The following FTO variants were observed in gnomAD, a reference collection of about 807,000 sequenced individuals.
FTO encodes alpha-ketoglutarate-dependent dioxygenase FTO.
A neutral mutation model predicts 63.9 loss-of-function variants in FTO; 47 were observed. The ratio of observed to expected loss-of-function variants is 0.74; its 90% CI spans 0.58 to 0.94. The LOEUF is 0.94. FTO is among the 40% of genes least tolerant of loss of function. The pLI is 0.00. For synonymous variants in FTO, 207 were observed against 224.4 expected (o/e 0.92, Z 0.69); for missense variants, 562 against 618.1 (o/e 0.91, Z 0.96).
At chr16:53,763,087 TAACA>T (rs2077108646) in intron 1 of FTO, among the ~76,000 whole-genome samples, 1 of 152,200 alleles carries the variant, frequency 6.6e-6, no homozygotes, top group East Asian at 1.9e-4. Flanking sequence ...CAGAGAAAAT[TAACA>T]TAAAGGAAGA....
chr16:54,096,213 C>A (rs538639586), intron 8 of FTO, among the ~76,000 whole-genome samples: 1 of 152,182 alleles, frequency 6.6e-6, no homozygotes, highest in Non-Finnish European at 1.5e-5. Context: ...ACTGACCCAG[C>A]GGCATAGATA....
chr16:53,934,027 G>T lies in FTO; in HGVS notation c.1282G>T (p.Val428Leu). The T allele has an allele frequency of 3.1e-6, 5 of 1,613,966 alleles. No homozygotes were observed. The highest frequency in any genetic ancestry group is 4.2e-6 in the Non-Finnish European group (5 of 1,179,870). The change falls in exon 8 of 9, where the codon GTG becomes TTG. Residue 428 changes from valine (V) to leucine (L), a missense_variant. Transcript: ENST00000471389. ...LHEVKREGLPVEQRNEILTAI... is the reference protein window; with the variant it reads ...LHEVKREGLPLEQRNEILTAI... ...TGAAGTTAAAAGAGAGGGGCTCCCC[G>T]TGGAACAAAGGAATGAAATCTTGAC...
intron 2 of FTO, among the ~76,000 whole-genome samples, chr16:53,810,897 G>A (rs139148652): frequency 9.4e-4 from 143 of 152,288 alleles, no homozygotes; most frequent in African/African-American, 3.3e-3. Context: ...TCTCATCTGA[G>A]AGCATAGCAG....
chr16:53,917,493 T>C (rs1028351975), intron 7 of FTO, among the ~76,000 whole-genome samples: 2 of 152,170 alleles, frequency 1.3e-5, no homozygotes, highest in African/African-American at 4.8e-5. Flanking sequence ...GAAAAGTGAT[T>C]AGGACAGGGC....
intron 8 of FTO, among the ~76,000 whole-genome samples, chr16:54,081,082 C>T (rs1427301670): frequency 6.6e-6 from 1 of 152,012 alleles, no homozygotes; most frequent in Non-Finnish European, 1.5e-5. Context: ...TTTTTTTTCC[C>T]CCTTTTGCTT....
At chr16:53,879,721 A>G (rs576001359) in intron 5 of FTO, 123 bp from the exon 6 acceptor site, 3 of 908,894 alleles carry the variant, frequency 3.3e-6, no homozygotes, top group Admixed American at 1.7e-5. Flanking sequence ...AAAGGAGTAT[A>G]GACTGAGCCA....
intron 1 of FTO, among the ~76,000 whole-genome samples, chr16:53,735,293 G>T (rs1472066213): frequency 6.6e-6 from 1 of 152,212 alleles, no homozygotes; most frequent in Non-Finnish European, 1.5e-5. Context: ...CTAGGTTATT[G>T]CTAGACACAG....
chr16:54,101,642 T>C (rs1326042432), intron 8 of FTO, among the ~76,000 whole-genome samples: 1 of 152,238 alleles, frequency 6.6e-6, no homozygotes, highest in Non-Finnish European at 1.5e-5. Context: ...CATGTGTCTT[T>C]ATGGCAGAAT....
At chr16:53,753,252 CAAAAA>C (rs35605359) in intron 1 of FTO, among the ~76,000 whole-genome samples, 1 of 77,972 alleles carries the variant, frequency 1.3e-5, no homozygotes, top group Non-Finnish European at 2.7e-5. Flanking sequence ...GACCCTGTCT[CAAAAA>C]AAAAAAAAAA....
Position 53,717,893 on chromosome 16 carries a change from C to T in FTO, c.45+13664C>T, listed in dbSNP as rs114041236. The stretch of plus-strand genomic sequence containing the variant: ...TACTTTGACACATCATTTTAATTGC[C>T]ATCGATTTATAATATCTTTCTAAAT... On this transcript the variant is annotated intron_variant, in intron 1 of 8. Transcript: ENST00000471389. Among the ~76,000 whole-genome samples the T allele has an allele frequency of 6.2e-3, 949 of 152,048 alleles. 9 individuals are homozygous for T. The highest frequency in any genetic ancestry group is 0.022 in the African/African-American group (917 of 41,482).
intron 8 of FTO, among the ~76,000 whole-genome samples, chr16:54,059,453 G>C (rs2085518541): frequency 6.6e-6 from 1 of 152,210 alleles, no homozygotes; most frequent in East Asian, 1.9e-4. Context: ...CTCGTGAGGG[G>C]GTAATCTGCT....
At chr16:53,886,002 G>C (rs959582778) in intron 6 of FTO, among the ~76,000 whole-genome samples, 1 of 152,180 alleles carries the variant, frequency 6.6e-6, no homozygotes, top group African/African-American at 2.4e-5. Context: ...TGATTCTCCT[G>C]CCATGGCCTC....
At chr16:54,055,588 T>G (rs1240710411) in intron 8 of FTO, among the ~76,000 whole-genome samples, 1 of 152,238 alleles carries the variant, frequency 6.6e-6, no homozygotes, top group African/African-American at 2.4e-5. Flanking sequence ...GTGTTTTGCA[T>G]GTTTACCTCT....
At position 53,718,309 on chromosome 16, in the gene FTO, A is replaced by G. The variant is rs188149474; in HGVS notation, c.45+14080A>G. On this transcript the variant is annotated intron_variant, in intron 1 of 8. Transcript: ENST00000471389. ...ACTATTGAAAATGGGATATTTAAAAATTGTGTTTTTTAAATGATACTTAAG... is the reference window on the plus strand; with the variant it reads ...ACTATTGAAAATGGGATATTTAAAAGTTGTGTTTTTTAAATGATACTTAAG... 1.2e-4 allele frequency among the ~76,000 whole-genome samples: 19 copies of G among 152,178 alleles called. No homozygotes were observed. The East Asian group carries it at 3.5e-3, about 28-fold the overall frequency.
intron 8 of FTO, among the ~76,000 whole-genome samples, chr16:54,102,116 T>C (rs1435022820): frequency 6.6e-6 from 1 of 152,188 alleles, no homozygotes; most frequent in Admixed American, 6.5e-5. Flanking sequence ...AGGTCATCTG[T>C]TTACTCTGTT....
intron 8 of FTO, among the ~76,000 whole-genome samples, chr16:53,973,629 G>A (rs1487610737): frequency 6.6e-6 from 1 of 152,120 alleles, no homozygotes; most frequent in Non-Finnish European, 1.5e-5. Flanking sequence ...CTCACTGTGT[G>A]TAATATGAAG....
chr16:53,780,867 T>A (rs546079880), intron 1 of FTO, among the ~76,000 whole-genome samples: 2 of 152,342 alleles, frequency 1.3e-5, no homozygotes, highest in Admixed American at 1.3e-4. Context: ...TTGTAAGAAT[T>A]GAATAAGGTA....
At chr16:53,883,935 C>G (rs924250937) in intron 6 of FTO, among the ~76,000 whole-genome samples, 2 of 152,196 alleles carry the variant, frequency 1.3e-5, no homozygotes, top group South Asian at 4.1e-4. Context: ...CATGCTCGCT[C>G]TCTACTTTGT....
chr16:53,933,886 T>C (rs1282815293), intron 7 of FTO, 99 bp from the exon 8 acceptor site: 8 of 1,210,142 alleles, frequency 6.6e-6, no homozygotes, highest in Non-Finnish European at 9.3e-6. Context: ...GGAACTGTAA[T>C]AAAAAAGCCA....
Sources: gnomAD v4.1 joint callset for allele counts (sites outside exome capture counted in the v4.1 genomes callset) on GRCh38, gnomAD v4.1.1 for gene constraint, MANE v1.5 for transcripts, NCBI Gene and HGNC (gene_info 2026-07-23, HGNC 2026-07-21) for gene names.